Variants in CDH12 observed in about 807,000 individuals in gnomAD.
CDH12 encodes cadherin 12.
A neutral mutation model predicts 74.1 loss-of-function variants in CDH12; 41 were observed. The ratio of observed to expected loss-of-function variants is 0.55; its 90% confidence interval spans 0.43 to 0.72. The LOEUF (loss-of-function observed/expected upper bound fraction) is 0.72. Among genes scored for constraint, CDH12 ranks in the 30% least tolerant of loss-of-function variants. The probability of loss-of-function intolerance (pLI) is 0.00; values close to 1 mark genes in which losing one functional copy is unlikely to be tolerated. For synonymous variants in CDH12, 399 were observed against 355.0 expected (o/e 1.12, Z -1.39); for missense variants, 945 against 977.2 (o/e 0.97, Z 0.44).
rs1368751695 is a variant in CDH12 at position 22,807,875 on chromosome 5, C to T, written c.-523+45183G>A. The stretch of plus-strand genomic sequence containing the variant: ...GATAAGTAAATGTGAAGGCCTGAGA[C>T]ATTACTGTACATGATGTAGACTTTA... On this transcript the variant is annotated intron_variant, in intron 1 of 14. Transcript: ENST00000382254. Among the ~76,000 whole-genome samples the T allele has an allele frequency of 2.0e-5, 3 of 152,098 alleles. No individual in the cohort carries two copies. In the East Asian group the frequency reaches 5.8e-4, roughly 29 times the overall value.
chr5:21,874,499 C>T (rs1751824010), intron 6 of CDH12, among the ~76,000 whole-genome samples: 2 of 152,180 alleles, frequency 1.3e-5, no homozygotes, highest in Non-Finnish European at 2.9e-5. Flanking sequence ...AGCCAATCAT[C>T]TATCGCCTAA....
chr5:22,282,003 CAT>C, intron 3 of CDH12, among the ~76,000 whole-genome samples: 2 of 764 alleles, frequency 2.6e-3, no homozygotes, highest in South Asian at 0.1. Context: ...ACCAAAACTG[CAT>C]GATACTGGTA....
intron 6 of CDH12, among the ~76,000 whole-genome samples, chr5:21,895,722 T>C (rs1434273322): frequency 1.3e-5 from 2 of 152,108 alleles, no homozygotes. Context: ...AATTCTACCA[T>C]TCTGGAGAGA....
intron 1 of CDH12, among the ~76,000 whole-genome samples, chr5:22,694,538 T>A (rs541440796): frequency 1.3e-4 from 20 of 152,272 alleles, no homozygotes; most frequent in African/African-American, 4.8e-4. Context: ...ATTTGTTATG[T>A]GATTATTCTG....
intron 5 of CDH12, among the ~76,000 whole-genome samples, chr5:22,025,490 C>T (rs1171591729): frequency 6.6e-6 from 1 of 152,134 alleles, no homozygotes; most frequent in Admixed American, 6.6e-5. Context: ...TAATGATCAT[C>T]TCACTGAATA....
chr5:22,314,201 G>A (rs928839586), intron 3 of CDH12, among the ~76,000 whole-genome samples: 1 of 152,122 alleles, frequency 6.6e-6, no homozygotes, highest in Admixed American at 6.5e-5. Context: ...AAGGAACCCG[G>A]ATGTAACTTT....
intron 1 of CDH12, among the ~76,000 whole-genome samples, chr5:22,543,342 T>C (rs1738184229): frequency 2.0e-5 from 3 of 152,170 alleles, no homozygotes. Flanking sequence ...TACAATGTTT[T>C]ATTGAATGCT....
intron 3 of CDH12, among the ~76,000 whole-genome samples, chr5:22,376,063 T>C (rs549506054): frequency 1.7e-4 from 26 of 152,270 alleles, no homozygotes; most frequent in Admixed American, 1.2e-3. Flanking sequence ...TCAAACTAAA[T>C]GGATGAATGG....
chr5:22,684,105 A>T (rs1443671086), intron 1 of CDH12, among the ~76,000 whole-genome samples: 1 of 152,170 alleles, frequency 6.6e-6, no homozygotes, highest in Admixed American at 6.5e-5. Context: ...AAACATTGTG[A>T]TGTGCATTGT....
chr5:22,093,392 T>G (rs181725080), intron 4 of CDH12, among the ~76,000 whole-genome samples: 2 of 152,314 alleles, frequency 1.3e-5, no homozygotes, highest in East Asian at 3.9e-4. Context: ...AAAGTCTACA[T>G]TTAGCTCATT....
intron 1 of CDH12, among the ~76,000 whole-genome samples, chr5:22,689,899 T>C (rs1020718606): frequency 6.6e-6 from 1 of 152,068 alleles, no homozygotes; most frequent in Non-Finnish European, 1.5e-5. Context: ...TGAAATTCTA[T>C]AATTTAGCTA....
chr5:22,436,019 A>C (rs1366363173), intron 2 of CDH12, among the ~76,000 whole-genome samples: 1 of 151,726 alleles, frequency 6.6e-6, no homozygotes, highest in Non-Finnish European at 1.5e-5. Flanking sequence ...GAATCAACCC[A>C]TATGTCCAAC....
At chr5:22,624,151 T>G (rs936972000) in intron 1 of CDH12, among the ~76,000 whole-genome samples, 1 of 152,040 alleles carries the variant, frequency 6.6e-6, no homozygotes, top group African/African-American at 2.4e-5. Context: ...TTACACCTTA[T>G]ACAAAAATTC....
chr5:22,696,951 G>GA lies in CDH12; in HGVS notation c.-523+156106dup, dbSNP rs546877552. Among the ~76,000 whole-genome samples, 1,390 of 143,756 alleles carry GA rather than the reference G, an allele frequency of 9.7e-3. 27 individuals carry two copies. Among genetic ancestry groups the GA allele is most frequent in the Admixed American group, 0.044 (638 of 14,448 alleles). 94.3% of individuals were successfully genotyped at this position (143,756 alleles called of 152,430 possible). A position where few individuals can be genotyped will look rare whatever the true frequency, so the allele number is the denominator to read the frequency against. On this transcript the variant is annotated intron_variant, in intron 1 of 14. Transcript: ENST00000382254. ...CTGAAACCAAGTATGTAATGTTCAAGAAAAAAAAAAAATCTTAAAAAGAAC... is the reference window on the plus strand; with the variant it reads ...CTGAAACCAAGTATGTAATGTTCAAGAAAAAAAAAAAAATCTTAAAAAGAAC...
intron 1 of CDH12, among the ~76,000 whole-genome samples, chr5:22,548,513 C>T (rs1268793338): frequency 1.3e-5 from 2 of 151,986 alleles, no homozygotes; most frequent in Non-Finnish European, 2.9e-5. Flanking sequence ...ATTTAAAATG[C>T]CTACCAAATA....
At chr5:21,846,920 C>T (rs1750203167) in intron 7 of CDH12, among the ~76,000 whole-genome samples, 1 of 151,954 alleles carries the variant, frequency 6.6e-6, no homozygotes, top group African/African-American at 2.4e-5. Flanking sequence ...AGATTTAGAC[C>T]AGCACTATAT....
At chr5:22,344,692 T>TA (rs138542072) in intron 3 of CDH12, among the ~76,000 whole-genome samples, 3,819 of 152,182 alleles carry the variant, frequency 0.025, 98 homozygotes, top group East Asian at 0.11. Flanking sequence ...AGCCTTCATT[T>TA]AAAAAATAAT....
In CDH12 at chr5:21,970,839, CAAAAAAAAAAAAAAAA is replaced by C. The variant is rs1167373938; in HGVS notation, c.526+4236_526+4251del. On this transcript the variant is annotated intron_variant, in intron 6 of 14. Transcript: ENST00000382254. ...TGGGCAATAGAGCAAGACTCTTTCT[CAAAAAAAAAAAAAAAA>C]AAAAAAAAAAAAAAAAAAAGAAAAA... Among the ~76,000 whole-genome samples, 21 of 27,792 alleles carry C rather than the reference CAAAAAAAAAAAAAAAA, an allele frequency of 7.6e-4. 1 individual carries two copies. In the South Asian group the frequency reaches 8.7e-3, roughly 12 times the overall value. The allele number at this position is 27,792 out of a possible 152,430, so 18.2% of individuals were successfully genotyped here. A position where few individuals can be genotyped will look rare whatever the true frequency, so the allele number is the denominator to read the frequency against.
At chr5:22,647,400 A>G (rs1580848585) in intron 1 of CDH12, among the ~76,000 whole-genome samples, 1 of 151,838 alleles carries the variant, frequency 6.6e-6, no homozygotes, top group African/African-American at 2.4e-5. Context: ...CTATATTAGT[A>G]AGCTTGGTAT....
Sources: allele counts gnomAD v4.1 joint callset (sites outside exome capture counted in the v4.1 genomes callset), GRCh38; gene constraint gnomAD v4.1.1; transcripts MANE v1.5; gene names NCBI Gene and HGNC (gene_info 2026-07-23, HGNC 2026-07-21).